Variants in ZNF169 observed in about 807,000 individuals in gnomAD.
The protein encoded by ZNF169 is zinc finger protein 169.
Under a neutral mutation model 12.0 loss-of-function variants are expected in ZNF169, and 11 were observed. That is an observed-to-expected ratio of 0.92 (90% CI 0.58 to 1.52). The LOEUF (loss-of-function observed/expected upper bound fraction) is 1.52. Ranked by LOEUF, ZNF169 falls within the 40% of genes most tolerant of loss-of-function variation. ZNF169 has a pLI of 0.00. For missense variants in ZNF169, 722 were observed against 744.0 expected (o/e 0.97, Z 0.34); for synonymous variants, 302 against 286.5 (o/e 1.05, Z -0.55).
chr9:94,272,841 A>G (rs535331700), intron 1 of ZNF169, among the ~76,000 whole-genome samples: 33 of 152,210 alleles, frequency 2.2e-4, no homozygotes, highest in African/African-American at 7.7e-4. Context: ...ACAGTTCATT[A>G]AGGTTCTACT....
chr9:94,282,752 G>A (rs1283625330), intron 2 of ZNF169, among the ~76,000 whole-genome samples: 2 of 152,004 alleles, frequency 1.3e-5, no homozygotes, highest in Non-Finnish European at 2.9e-5. Context: ...GTTGGTTTAG[G>A]AATAATGATA....
intron 4 of ZNF169, chr9:94,293,414 A>C (rs558455283): frequency 1.7e-6 from 1 of 579,992 alleles, no homozygotes; most frequent in Admixed American, 3.2e-5. Context: ...CTGGTTTTTT[A>C]TTTTTATTTT....
At position 94,300,272 on chromosome 9, in the gene ZNF169, A is replaced by G; in HGVS notation, c.714A>G (p.Glu238=). The G allele has an allele frequency of 6.2e-7, 1 of 1,614,224 alleles. No individual in the cohort carries two copies. The highest frequency in any genetic ancestry group is 8.5e-7 in the Non-Finnish European group (1 of 1,180,034). Residue 238 remains glutamate (E), a synonymous_variant, in exon 5 of 5, where the codon GAA becomes GAG. Coordinates refer to ENST00000395395, the MANE Select transcript of ZNF169 (RefSeq NM_194320.4). The part of the protein sequence containing the change: ...FSHQKHHVCP[E]CGRGFCQRSD... ...ACCAGAAGCATCATGTGTGCCCTGAATGCGGGAGAGGCTTTTGCCAGAGAT... is the reference window on the plus strand; with the variant it reads ...ACCAGAAGCATCATGTGTGCCCTGAGTGCGGGAGAGGCTTTTGCCAGAGAT...
chr9:94,296,702 G>GT, intron 4 of ZNF169: 1 of 454,784 alleles, frequency 2.2e-6, no homozygotes, highest in Non-Finnish European at 4.4e-6. Flanking sequence ...TGGACTCTAT[G>GT]TTTTTTCTAC....
chr9:94,288,404 C>T (rs1197237299), intron 2 of ZNF169: 9 of 1,260,458 alleles, frequency 7.1e-6, no homozygotes, highest in Non-Finnish European at 1.0e-5. Context: ...TTGGTATTCT[C>T]AGTGTTGGCT....
At chr9:94,265,714 C>G (rs182191843) in intron 1 of ZNF169, among the ~76,000 whole-genome samples, 5 of 152,174 alleles carry the variant, frequency 3.3e-5, no homozygotes, top group Admixed American at 2.6e-4. Flanking sequence ...GTCCTGAAGA[C>G]TTTCCTCTGG....
intron 1 of ZNF169, among the ~76,000 whole-genome samples, chr9:94,275,134 G>A (rs3131902): frequency 0.29 from 44,239 of 152,050 alleles, 7,971 homozygotes; most frequent in East Asian, 0.53. Context: ...CTACTCTGGC[G>A]GCTGAGGCAA....
In ZNF169 at chr9:94,281,131, C is replaced by A. The variant is rs964435601; in HGVS notation, c.33+2286C>A. ...AGAGGCTTAGCATTTTAAAACAAAG[C>A]TTCCATATCTAGAATAGTGTCTCTT... On this transcript the variant is annotated intron_variant, in intron 2 of 4. Coordinates refer to ENST00000395395, the MANE Select transcript of ZNF169 (RefSeq NM_194320.4). Among the ~76,000 whole-genome samples the A allele has an allele frequency of 2.0e-5, 3 of 152,270 alleles. No individual in the cohort carries two copies. In the South Asian group the frequency reaches 6.2e-4, roughly 32 times the overall value.
chr9:94,296,275 C>T (rs1830948698), intron 4 of ZNF169, among the ~76,000 whole-genome samples: 2 of 152,144 alleles, frequency 1.3e-5, no homozygotes, highest in Admixed American at 1.3e-4. Flanking sequence ...ATGTAGAAGT[C>T]CATTATCAGA....
intron 1 of ZNF169, among the ~76,000 whole-genome samples, chr9:94,262,048 G>C (rs980731608): frequency 3.9e-5 from 6 of 152,194 alleles, no homozygotes; most frequent in Non-Finnish European, 8.8e-5. Context: ...AAGCTTTCCT[G>C]AGTTTTCTCT....
At chr9:94,265,197 C>T (rs548691164) in intron 1 of ZNF169, among the ~76,000 whole-genome samples, 3 of 151,896 alleles carry the variant, frequency 2.0e-5, no homozygotes, top group Non-Finnish European at 2.9e-5. Context: ...GGCCCAATAA[C>T]GAGATGCAGA....
At chr9:94,292,700 A>C (rs1323092885) in intron 3 of ZNF169, 2 of 649,414 alleles carry the variant, frequency 3.1e-6, no homozygotes, top group Admixed American at 3.0e-5. Context: ...AGGCCTGTTT[A>C]CCCTGGCTGG....
chr9:94,297,034 G>A (rs891296376), intron 4 of ZNF169, among the ~76,000 whole-genome samples: 2 of 152,066 alleles, frequency 1.3e-5, no homozygotes, highest in East Asian at 1.9e-4. Context: ...GCAACAGTGC[G>A]AGACTCCATC....
chr9:94,268,956 A>C (rs974660214), intron 1 of ZNF169, among the ~76,000 whole-genome samples: 14 of 60,440 alleles, frequency 2.3e-4, no homozygotes, highest in African/African-American at 6.3e-4. Flanking sequence ...GGAAAGAAAT[A>C]AACAAAAACA....
At chr9:94,285,816 C>G (rs1054444312) in intron 2 of ZNF169, among the ~76,000 whole-genome samples, 6 of 151,976 alleles carry the variant, frequency 3.9e-5, no homozygotes, top group African/African-American at 1.4e-4. Context: ...TCGAGACCAG[C>G]CTGACCAACA....
chr9:94,286,758 C>T (rs895494068), intron 2 of ZNF169, among the ~76,000 whole-genome samples: 3 of 152,138 alleles, frequency 2.0e-5, no homozygotes, highest in Non-Finnish European at 2.9e-5. Context: ...GCTGGAGCTC[C>T]TGGAAGCTAT....
chr9:94,277,827 G>C (rs1385494662), intron 1 of ZNF169, among the ~76,000 whole-genome samples: 2 of 151,698 alleles, frequency 1.3e-5, no homozygotes, highest in African/African-American at 4.8e-5. Context: ...AGCTACTCGG[G>C]AGGCTGAGGC....
chr9:94,292,640 T>TGTGC (rs35889937), intron 3 of ZNF169, 173 bp downstream of exon 3: 12,103 of 736,790 alleles, frequency 0.016, 47 homozygotes, highest in East Asian at 0.041. Flanking sequence ...TGTGTGTGTG[T>TGTGC]GCGCGTGCAC....
rs200089201 is a variant in ZNF169, at chr9:94,300,048, T to C, written c.490T>C (p.Phe164Leu). The C allele has an allele frequency of 3.2e-5, 52 of 1,614,020 alleles. 1 individual carries two copies. In the East Asian group the frequency reaches 1.1e-3, roughly 35 times the overall value. The change falls in exon 5 of 5, where the codon TTC becomes CTC. Residue 164 changes from phenylalanine (F) to leucine (L), a missense_variant. By Grantham distance (22) the Phe-to-Leu change is conservative. Transcript: ENST00000395395. ...RKRPSRISRT[F>L]FSPHQGDPVE... ...GAGGCCAAGCAGAATTTCTAGGACATTCTTCAGCCCACATCAAGGTGACCC... is the reference window on the plus strand; with the variant it reads ...GAGGCCAAGCAGAATTTCTAGGACACTCTTCAGCCCACATCAAGGTGACCC...
Sources: gnomAD v4.1 joint callset for allele counts (sites outside exome capture counted in the v4.1 genomes callset) on GRCh38, gnomAD v4.1.1 for gene constraint, MANE v1.5 for transcripts, NCBI Gene and HGNC (gene_info 2026-07-23, HGNC 2026-07-21) for gene names.